The following ANK3 variants were observed in gnomAD, a reference collection of about 807,000 sequenced individuals.
ANK3 encodes the protein ankyrin-3.
ANK3 carries 57 observed loss-of-function variants against 370.9 expected under a neutral mutation model. The ratio of observed to expected loss-of-function variants is 0.15; its 90% CI spans 0.12 to 0.19. ANK3 has a LOEUF of 0.19. ANK3 is among the 10% of genes least tolerant of loss of function. ANK3 has a pLI of 1.00. For missense variants in ANK3, 4,439 were observed against 5,302.1 expected (o/e 0.84, Z 5.06); for synonymous variants, 1,929 against 1,946.3 (o/e 0.99, Z 0.23).
rs142071413 is a variant in ANK3, at chr10:60,699,575, A to C, written c.57+33688T>G. On this transcript the variant is annotated intron_variant, in intron 1 of 43. Transcript: ENST00000373827. ...CTATGTTCATAGAAAATTTTTAAACAATTATTTTAAATCAATACACGTTAT... is the reference window on the plus strand; with the variant it reads ...CTATGTTCATAGAAAATTTTTAAACCATTATTTTAAATCAATACACGTTAT... 2.1e-3 allele frequency among the ~76,000 whole-genome samples: 326 copies of C among 151,754 alleles called. 2 individuals carry two copies. The highest frequency in any genetic ancestry group is 7.4e-3 in the African/African-American group (305 of 41,332).
intron 1 of ANK3, among the ~76,000 whole-genome samples, chr10:60,327,185 G>A (rs778626051): frequency 5.3e-5 from 8 of 152,178 alleles, no homozygotes; most frequent in Non-Finnish European, 8.8e-5. Flanking sequence ...CGAGGTGACA[G>A]TTATGACCAT....
chr10:60,189,875 A>AT (rs1178233048), intron 16 of ANK3, among the ~76,000 whole-genome samples: 1 of 152,202 alleles, frequency 6.6e-6, no homozygotes, highest in Non-Finnish European at 1.5e-5. Flanking sequence ...TCATATTTTA[A>AT]TTTTTTTCAA....
chr10:60,088,325 C>A lies in ANK3; in HGVS notation c.3362G>T (p.Arg1121Leu). 6.2e-7 allele frequency: 1 copy of A among 1,614,182 alleles called. No homozygotes were observed. Among genetic ancestry groups the A allele is most frequent in the Non-Finnish European group, 8.5e-7 (1 of 1,180,014 alleles). ...ATCTTTCGTGATAATCCTGCAGATA[C>A]GCTTTTTCCCTAACTCTTCTGGGCT... is the stretch of plus-strand genomic sequence containing the variant. ...LDSPEELGKK[R>L]ICRIITKDFP... The change falls in exon 29 of 44, where the codon CGT becomes CTT. Residue 1121 changes from arginine to leucine, a missense_variant. Physicochemically the swap from Arg to Leu is moderately radical, Grantham distance 102 (BLOSUM62 -2). This residue lies in a region of ANK3 where 702 missense variants were observed against 941.5 expected (regional missense o/e 0.75). Transcript: ENST00000280772.
chr10:60,450,236 G>A (rs182773691), intron 2 of ANK3, among the ~76,000 whole-genome samples: 1 of 152,174 alleles, frequency 6.6e-6, no homozygotes, highest in Admixed American at 6.5e-5. Flanking sequence ...GGAGGCTGCA[G>A]TGAGTTGGGA....
At chr10:60,236,738 C>T (rs1184065049) in intron 7 of ANK3, among the ~76,000 whole-genome samples, 5 of 152,162 alleles carry the variant, frequency 3.3e-5, no homozygotes, top group Admixed American at 3.3e-4. Flanking sequence ...AAGAAAGAGA[C>T]CTGAGGAAAA....
chr10:60,629,535 A>T (rs1414489293), intron 1 of ANK3, among the ~76,000 whole-genome samples: 2 of 152,152 alleles, frequency 1.3e-5, no homozygotes, highest in African/African-American at 4.8e-5. Flanking sequence ...CTCCTCTACA[A>T]CCACACATTT....
chr10:60,383,397 G>A (rs922616200), intron 1 of ANK3, among the ~76,000 whole-genome samples: 1 of 152,138 alleles, frequency 6.6e-6, no homozygotes, highest in African/African-American at 2.4e-5. Flanking sequence ...CAGGTGGAGA[G>A]CCTGAGGCAC....
chr10:60,077,915 T>C (rs1225168472), intron 36 of ANK3, among the ~76,000 whole-genome samples: 1 of 152,206 alleles, frequency 6.6e-6, no homozygotes, highest in Non-Finnish European at 1.5e-5. Context: ...CCAGCATTTC[T>C]TCTGGCAATG....
chr10:60,075,492 C>T lies in ANK3; in HGVS notation c.5389G>A (p.Ala1797Thr), dbSNP rs768066896. Residue 1797 changes from alanine (A) to threonine (T), a missense_variant, in exon 37 of 44, where the codon GCA becomes ACA. Around this residue, in one of 13 missense-constraint regions of ANK3, gnomAD observed 679 missense variants for 791.0 expected, o/e 0.86. Coordinates refer to ENST00000280772, the MANE Select transcript of ANK3 (RefSeq NM_020987.5). Reference protein sequence around the residue: ...SAFQSLRTPSASALYTSLGSS... With the variant: ...SAFQSLRTPSTSALYTSLGSS... Reference sequence around the variant, plus strand: ...CCAAGGGATGTATAGAGTGCACTTGCGGAAGGAGTTCTTAGAGACTGAAAA... The same window carrying T: ...CCAAGGGATGTATAGAGTGCACTTGTGGAAGGAGTTCTTAGAGACTGAAAA... 52 of 1,612,834 alleles carry T rather than the reference C, an allele frequency of 3.2e-5. 1 individual carries two copies. Among genetic ancestry groups the T allele is most frequent in the Middle Eastern group, 1.6e-4 (1 of 6,084 alleles).
chr10:60,344,422 T>C (rs1231332675), intron 1 of ANK3, among the ~76,000 whole-genome samples: 1 of 152,166 alleles, frequency 6.6e-6, no homozygotes, highest in Non-Finnish European at 1.5e-5. Flanking sequence ...AAAGATGCTA[T>C]GGGAGTGCCT....
At chr10:60,689,748 T>C (rs7919726) in intron 1 of ANK3, among the ~76,000 whole-genome samples, 97,706 of 145,762 alleles carry the variant, frequency 0.67, 32,881 homozygotes, top group South Asian at 0.83. Context: ...GAGCAAGACT[T>C]CATCTCAAAA....
chr10:60,485,344 CAGCAAAAAG>C (rs1325396932), intron 2 of ANK3, among the ~76,000 whole-genome samples: 1 of 152,168 alleles, frequency 6.6e-6, no homozygotes, highest in East Asian at 1.9e-4. Context: ...ACTGATGGAA[CAGCAAAAAG>C]AAGTCTATTT....
rs72807930 is a variant in ANK3 at position 60,487,230 on chromosome 10, A to G, written c.96+127956T>C. Among the ~76,000 whole-genome samples, 749 of 152,360 alleles carry G rather than the reference A, an allele frequency of 4.9e-3. 4 individuals are homozygous for G. Among genetic ancestry groups the G allele is most frequent in the Non-Finnish European group, 6.2e-3 (424 of 68,032 alleles). On this transcript the variant is annotated intron_variant, in intron 2 of 43. Transcript: ENST00000373827. ...CTCAGAATATTTAGTGTTTAGCACA[A>G]CACCTGGAATCATCCAGTACTTTGC...
intron 1 of ANK3, among the ~76,000 whole-genome samples, chr10:60,658,009 A>T (rs1290650354): frequency 9.0e-6 from 1 of 110,910 alleles, no homozygotes. Context: ...GTCTATAGCC[A>T]TTCCAACTTT....
At chr10:60,316,769 A>T (rs1220053131) in intron 1 of ANK3, among the ~76,000 whole-genome samples, 1 of 151,882 alleles carries the variant, frequency 6.6e-6, no homozygotes, top group Admixed American at 6.6e-5. Context: ...TTTTATTGAG[A>T]TGGAGTCTTG....
At chr10:60,582,576 C>A (rs940310019) in intron 2 of ANK3, among the ~76,000 whole-genome samples, 2 of 151,632 alleles carry the variant, frequency 1.3e-5, no homozygotes, top group African/African-American at 4.8e-5. Context: ...GCAGATGTAC[C>A]ACCTCAAGGT....
At chr10:60,594,751 C>A (rs1263366817) in intron 2 of ANK3, among the ~76,000 whole-genome samples, 5 of 151,872 alleles carry the variant, frequency 3.3e-5, no homozygotes, top group Admixed American at 3.3e-4. Context: ...TGGTTTTTTT[C>A]AGGCATTCCT....
chr10:60,155,702 A>C (rs564100936), intron 23 of ANK3, among the ~76,000 whole-genome samples: 2 of 152,338 alleles, frequency 1.3e-5, no homozygotes, highest in East Asian at 3.9e-4. Context: ...GGATGGGCAC[A>C]TCTAATCAGC....
chr10:60,695,466 C>T (rs2079432669), intron 1 of ANK3, among the ~76,000 whole-genome samples: 1 of 152,100 alleles, frequency 6.6e-6, no homozygotes, highest in African/African-American at 2.4e-5. Context: ...CAGCACCACA[C>T]CACACCTATT....
Sources: allele counts gnomAD v4.1 joint callset (sites outside exome capture counted in the v4.1 genomes callset), GRCh38; gene constraint gnomAD v4.1.1; regional missense constraint gnomAD v4.1.1; transcripts MANE v1.5; gene names NCBI Gene and HGNC (gene_info 2026-07-23, HGNC 2026-07-21).